The following RPRD2 variants were observed in gnomAD, a reference collection of about 807,000 sequenced individuals.
RPRD2 encodes regulation of nuclear pre-mRNA domain-containing protein 2.
A neutral mutation model predicts 104.4 loss-of-function variants in RPRD2; 12 were observed. The ratio of observed to expected loss-of-function variants is 0.11; its 90% CI spans 0.07 to 0.19. The LOEUF is 0.19. Among genes scored for constraint, RPRD2 ranks in the 10% least tolerant of loss-of-function variants. The pLI is 1.00. For missense variants in RPRD2, 1,543 were observed against 1,790.1 expected (o/e 0.86, Z 2.49); for synonymous variants, 714 against 684.9 (o/e 1.04, Z -0.66).
At position 150,476,171 on chromosome 1, in the gene RPRD2, A is replaced by C. The variant is rs1246983919; in HGVS notation, c.*2837A>C. On this transcript the variant is annotated 3_prime_UTR_variant, in exon 11 of 11. Transcript: ENST00000369068. ...ATTTGGTTTGATTCCAGGGAGGGGA[A>C]AATAAGCAGAGAATAGGACTTTTAT... The C allele has an allele frequency of 6.6e-6, 1 of 152,236 alleles. No homozygotes were observed. Among genetic ancestry groups the C allele is most frequent in the Admixed American group, 6.5e-5 (1 of 15,288 alleles). 9.4% of individuals were successfully genotyped at this position (152,236 alleles called of 1,614,324 possible).
At chr1:150,405,209 A>G (rs1663370445) in intron 1 of RPRD2, among the ~76,000 whole-genome samples, 1 of 152,216 alleles carries the variant, frequency 6.6e-6, no homozygotes, top group African/African-American at 2.4e-5. Flanking sequence ...AATGTTTAAC[A>G]GAAATGAGTA....
chr1:150,433,274 T>C (rs1025577932), intron 2 of RPRD2, among the ~76,000 whole-genome samples: 5 of 151,726 alleles, frequency 3.3e-5, no homozygotes, highest in African/African-American at 1.2e-4. Flanking sequence ...GCTGTCAGTG[T>C]AGATTTGCAT....
At chr1:150,384,787 G>A (rs1281484487) in intron 1 of RPRD2, among the ~76,000 whole-genome samples, 1 of 151,946 alleles carries the variant, frequency 6.6e-6, no homozygotes, top group African/African-American at 2.4e-5. Flanking sequence ...GATTACAGGC[G>A]TGAGCCACTG....
Position 150,369,924 on chromosome 1 carries a change from G to A in RPRD2, c.205+5005G>A, listed in dbSNP as rs587756003. Among the ~76,000 whole-genome samples the A allele has an allele frequency of 3.0e-3, 454 of 152,018 alleles. 3 individuals carry two copies. The highest frequency in any genetic ancestry group is 0.011 in the African/African-American group (440 of 41,456). On this transcript the variant is annotated intron_variant, in intron 1 of 10. Coordinates refer to ENST00000369068, the MANE Select transcript of RPRD2 (RefSeq NM_015203.5). ...GCTTCCTGAGTAGCTGGGATTACAG[G>A]CACATGCCACCACGCCCAACTAATT...
At chr1:150,446,945 C>T (rs933813886) in intron 7 of RPRD2, among the ~76,000 whole-genome samples, 1 of 150,556 alleles carries the variant, frequency 6.6e-6, no homozygotes, top group African/African-American at 2.5e-5. Context: ...AAGCGATTCT[C>T]CTGCCTTAGC....
intron 1 of RPRD2, among the ~76,000 whole-genome samples, chr1:150,366,066 T>C (rs931195049): frequency 1.8e-4 from 28 of 152,218 alleles, no homozygotes; most frequent in Admixed American, 7.2e-4. Flanking sequence ...AAACGAGCTC[T>C]GTTAAAGCAT....
intron 1 of RPRD2, among the ~76,000 whole-genome samples, chr1:150,371,011 C>T (rs1485300151): frequency 6.6e-6 from 1 of 152,106 alleles, no homozygotes; most frequent in Non-Finnish European, 1.5e-5. Context: ...ACCTCCTCTC[C>T]CTTAGTACTT....
Position 150,440,981 on chromosome 1 carries a change from G to A in RPRD2, c.394G>A (p.Val132Ile). 6.3e-7 allele frequency: 1 copy of A among 1,582,720 alleles called. No individual in the cohort carries two copies. Among genetic ancestry groups the A allele is most frequent in the Admixed American group, 1.8e-5 (1 of 55,324 alleles). ...CTTTAAAATCTGGGAAGATAGAAAT[G>A]TATACCCAGAAGAAATGATTGTGGC... ...RIFKIWEDRN[V>I]YPEEMIVALR... Residue 132 changes from valine (V) to isoleucine (I), a missense_variant, in exon 3 of 11, where the codon GTA becomes ATA. Transcript: ENST00000369068.
rs769331922 is a variant in RPRD2, at chr1:150,470,850, C to T, written c.1902C>T (p.Thr634=). ...CCAACTCTTTGGGGTTTACAGCTAC[C>T]CACAATACTAGCCCTGCTGCCCCAC... ...LPSNSLGFTA[T]HNTSPAAPPT... Residue 634 remains threonine, a synonymous_variant, in exon 11 of 11, where the codon ACC becomes ACT. Transcript: ENST00000369068. The T allele has an allele frequency of 1.9e-6, 3 of 1,613,990 alleles. No individual in the cohort carries two copies. The highest frequency in any genetic ancestry group is 2.5e-6 in the Non-Finnish European group (3 of 1,179,908).
intron 2 of RPRD2, among the ~76,000 whole-genome samples, chr1:150,428,175 C>A (rs1364075781): frequency 6.6e-6 from 1 of 151,942 alleles, no homozygotes; most frequent in Non-Finnish European, 1.5e-5. Flanking sequence ...GAATGAAAAT[C>A]TATCCTCGCC....
chr1:150,405,238 G>C (rs1553886246), intron 1 of RPRD2, among the ~76,000 whole-genome samples: 1 of 152,006 alleles, frequency 6.6e-6, no homozygotes. Context: ...AGTAACTGGT[G>C]GATTGATACC....
chr1:150,473,344 A>T lies in RPRD2; in HGVS notation c.*10A>T. On this transcript the variant is annotated 3_prime_UTR_variant, in exon 11 of 11. Coordinates refer to ENST00000369068, the MANE Select transcript of RPRD2 (RefSeq NM_015203.5). ...CCCTCCCAGGTACTGATGGAAACCA[A>T]GGGAAAGGCATTTTGAACAGTCTAG... The T allele has an allele frequency of 6.3e-7, 1 of 1,591,762 alleles. No individual in the cohort carries two copies. Among genetic ancestry groups the T allele is most frequent in the Non-Finnish European group, 8.6e-7 (1 of 1,169,382 alleles).
At chr1:150,401,945 GT>G (rs199834745) in intron 1 of RPRD2, among the ~76,000 whole-genome samples, 9 of 137,332 alleles carry the variant, frequency 6.6e-5, no homozygotes, top group East Asian at 2.1e-4. Flanking sequence ...GCCCAGTGGG[GT>G]TTTTTTTTTT....
chr1:150,463,463 A>G (rs1668070815), intron 9 of RPRD2, among the ~76,000 whole-genome samples: 1 of 152,224 alleles, frequency 6.6e-6, no homozygotes, highest in Admixed American at 6.5e-5. Flanking sequence ...TGCCTTGTGC[A>G]GTCTACAAAT....
intron 2 of RPRD2, among the ~76,000 whole-genome samples, chr1:150,427,538 C>T (rs1553890794): frequency 1.3e-5 from 2 of 151,820 alleles, no homozygotes; most frequent in African/African-American, 4.8e-5. Flanking sequence ...GTGGCTCACA[C>T]TTGTAATCCC....
rs1438028746 is a variant in RPRD2 at position 150,404,695 on chromosome 1, C to T, written c.206-12901C>T. Among the ~76,000 whole-genome samples the T allele has an allele frequency of 3.3e-5, 5 of 152,126 alleles. No individual in the cohort carries two copies. The East Asian group carries it at 5.8e-4, about 18-fold the overall frequency. ...AACTTCAAACTTTGAACTCTGAACT[C>T]GTAGGCCTAAGCAGTACTCTTTCCC... is the stretch of plus-strand genomic sequence containing the variant. On this transcript the variant is annotated intron_variant, in intron 1 of 10. Coordinates refer to ENST00000369068, the MANE Select transcript of RPRD2 (RefSeq NM_015203.5).
chr1:150,369,727 G>A (rs1467167105), intron 1 of RPRD2, among the ~76,000 whole-genome samples: 2 of 146,590 alleles, frequency 1.4e-5, no homozygotes, highest in African/African-American at 5.1e-5. Context: ...AAAGTGCTGG[G>A]ATTACAGGCG....
intron 1 of RPRD2, among the ~76,000 whole-genome samples, chr1:150,388,018 GC>G (rs1553882287): frequency 6.8e-6 from 1 of 146,594 alleles, no homozygotes; most frequent in East Asian, 2.0e-4. Flanking sequence ...CTAGACTTCA[GC>G]CATCCTACCA....
intron 9 of RPRD2, among the ~76,000 whole-genome samples, chr1:150,463,721 A>G (rs909853079): frequency 3.9e-5 from 6 of 152,234 alleles, no homozygotes; most frequent in Admixed American, 6.5e-5. Flanking sequence ...AAAAGCATAT[A>G]ACTTACCAGT....
Sources: gnomAD v4.1 joint callset for allele counts (sites outside exome capture counted in the v4.1 genomes callset) on GRCh38, gnomAD v4.1.1 for gene constraint, MANE v1.5 for transcripts, NCBI Gene and HGNC (gene_info 2026-07-23, HGNC 2026-07-21) for gene names.